Variants in KTN1 observed in about 807,000 individuals in gnomAD.
KTN1 encodes the protein kinectin 1, also known as kinectin.
A neutral mutation model predicts 222.5 loss-of-function variants in KTN1; 130 were observed. The observed-to-expected ratio is 0.58, with a 90% CI of 0.51 to 0.68. The LOEUF is 0.68. Ranked by LOEUF, KTN1 falls within the 30% of genes least tolerant of loss-of-function variation. The pLI is 0.00. For synonymous variants in KTN1, 512 were observed against 496.3 expected (o/e 1.03, Z -0.42); for missense variants, 1,508 against 1,500.4 (o/e 1.01, Z -0.08).
At chr14:55,652,239 G>C (rs1043186635) in intron 25 of KTN1, among the ~76,000 whole-genome samples, 3 of 152,070 alleles carry the variant, frequency 2.0e-5, no homozygotes, top group Non-Finnish European at 1.5e-5. Context: ...ATTGTAGTAA[G>C]TTTTCCAAAT....
In KTN1 at chr14:55,623,850, G is replaced by A. The variant is rs1441615519; in HGVS notation, c.964-4062G>A. Among the ~76,000 whole-genome samples, 4 of 152,210 alleles carry A rather than the reference G, an allele frequency of 2.6e-5. No homozygotes were observed. The South Asian group carries it at 6.2e-4, about 24-fold the overall frequency. ...GAGTTAATGCTTTTTAAGATTAAAA[G>A]TAATTGCTTTAAGTGTCTCTCTTCT... On this transcript the variant is annotated intron_variant, in intron 5 of 43. Transcript: ENST00000395314.
At chr14:55,607,432 A>G (rs990289878) in intron 1 of KTN1, 3 of 150,632 alleles carry the variant, frequency 2.0e-5, no homozygotes, top group African/African-American at 7.3e-5. Context: ...CAGGGAATCC[A>G]GAAACCTGGA....
intron 4 of KTN1, among the ~76,000 whole-genome samples, chr14:55,618,798 C>G (rs1183248116): frequency 6.6e-6 from 1 of 152,102 alleles, no homozygotes; most frequent in Non-Finnish European, 1.5e-5. Flanking sequence ...TAATATCTCT[C>G]AGGATTATTT....
chr14:55,584,698 C>G (rs1181521492), intron 1 of KTN1, among the ~76,000 whole-genome samples: 10 of 151,684 alleles, frequency 6.6e-5, no homozygotes, highest in African/African-American at 2.4e-4. Flanking sequence ...TGTTTATTGT[C>G]TCTTCCACAT....
intron 1 of KTN1, among the ~76,000 whole-genome samples, chr14:55,586,454 C>T (rs1322439754): frequency 1.1e-4 from 16 of 152,196 alleles, no homozygotes; most frequent in African/African-American, 3.9e-4. Context: ...TCTCAACAAC[C>T]TTATGAGGTA....
intron 28 of KTN1, 146 bp downstream of exon 28, chr14:55,653,742 G>A (rs376855978): frequency 3.5e-6 from 2 of 563,662 alleles, no homozygotes; most frequent in Non-Finnish European, 3.1e-6. Context: ...AATAGGCTAA[G>A]TCTCTGTTGG....
intron 1 of KTN1, among the ~76,000 whole-genome samples, chr14:55,610,903 G>T (rs1040652004): frequency 2.0e-5 from 3 of 152,268 alleles, no homozygotes; most frequent in Admixed American, 2.0e-4. Context: ...CCCCCTTCCC[G>T]CCCCGGGCGT....
rs190082005 is a variant in KTN1 at position 55,629,354 on chromosome 14, C to T, written c.1081-603C>T. On this transcript the variant is annotated intron_variant, in intron 6 of 43. Coordinates refer to ENST00000395314, the MANE Select transcript of KTN1 (RefSeq NM_001079521.2). Reference sequence around the variant, plus strand: ...AATGGTGTGAATCTGGGAGGCGGAGCTTGTAGTGAGCCGAGATCACGCCAC... The same window carrying T: ...AATGGTGTGAATCTGGGAGGCGGAGTTTGTAGTGAGCCGAGATCACGCCAC... Among the ~76,000 whole-genome samples the T allele has an allele frequency of 3.6e-3, 499 of 138,728 alleles. 5 individuals carry two copies. The highest frequency in any genetic ancestry group is 0.013 in the African/African-American group (481 of 36,634). 91.0% of individuals were successfully genotyped at this position (138,728 alleles called of 152,430 possible).
chr14:55,599,504 G>T (rs1489140271), intron 1 of KTN1, among the ~76,000 whole-genome samples: 1 of 150,844 alleles, frequency 6.6e-6, no homozygotes, highest in Non-Finnish European at 1.5e-5. Flanking sequence ...TCGTTCTGTT[G>T]CCCAGGGCGG....
In KTN1 at chr14:55,616,542, T is replaced by A. The variant is rs1230036271; in HGVS notation, c.549T>A (p.Thr183=). ...GSDDQDKKVE[T]LMVPSKRQEA... ...ATGACCAGGATAAAAAGGTGGAAAC[T>A]CTCATGGTACCATCAAAAAGGCAAG... The change falls in exon 3 of 44, where the codon ACT becomes ACA. Residue 183 remains threonine (T), a synonymous_variant. Transcript: ENST00000395314. The A allele has an allele frequency of 6.3e-7, 1 of 1,590,258 alleles. No individual in the cohort carries two copies.
In KTN1 at chr14:55,667,291, C is replaced by G. The variant is rs777839408; in HGVS notation, c.3228C>G (p.Leu1076=). 9 of 1,606,604 alleles carry G rather than the reference C, an allele frequency of 5.6e-6. No individual in the cohort carries two copies. The highest frequency in any genetic ancestry group is 3.4e-5 in the Admixed American group (2 of 58,744). Residue 1076 remains leucine, a synonymous_variant, in exon 34 of 44, where the codon CTC becomes CTG. Transcript: ENST00000395314. ...EAVELEAKEV[L]KKLFPKVSVP... ...TTGAGTTGGAGGCTAAAGAAGTTCT[C>G]AAAAAATTATTTCCAAAGGTGTCTG... is the stretch of plus-strand genomic sequence containing the variant.
intron 6 of KTN1, among the ~76,000 whole-genome samples, chr14:55,629,021 C>T (rs559525116): frequency 3.3e-5 from 5 of 152,268 alleles, no homozygotes; most frequent in African/African-American, 1.2e-4. Context: ...ATGATACCTG[C>T]AGCTAACTTT....
chr14:55,584,074 C>T (rs1055746233), intron 1 of KTN1, among the ~76,000 whole-genome samples: 2 of 152,190 alleles, frequency 1.3e-5, no homozygotes, highest in African/African-American at 2.4e-5. Context: ...TCCCTGCAGT[C>T]TTTCCAACAC....
At chr14:55,603,955 A>G (rs2036358078) in intron 1 of KTN1, among the ~76,000 whole-genome samples, 1 of 152,204 alleles carries the variant, frequency 6.6e-6, no homozygotes, top group South Asian at 2.1e-4. Flanking sequence ...TTTATAAAGT[A>G]TCAAAAATTT....
At chr14:55,678,498 T>TC in intron 42 of KTN1, 54 bp downstream of exon 42, 1 of 1,102,380 alleles carries the variant, frequency 9.1e-7, no homozygotes, top group Non-Finnish European at 1.4e-6. Context: ...GTGACCTGTG[T>TC]AAAGAACAAA....
chr14:55,662,677 G>A (rs768596088), intron 32 of KTN1, among the ~76,000 whole-genome samples: 61 of 152,276 alleles, frequency 4.0e-4, no homozygotes, highest in Admixed American at 7.8e-4. Context: ...AGTATTGCTA[G>A]TAAATGGATG....
At chr14:55,673,472 TG>T in intron 40 of KTN1, 1 of 362,692 alleles carries the variant, frequency 2.8e-6, no homozygotes, top group Non-Finnish European at 4.9e-6. Flanking sequence ...AACAATGGCA[TG>T]TTTGGCTTCC....
At chr14:55,597,063 GAAA>G (rs150001039) in intron 1 of KTN1, among the ~76,000 whole-genome samples, 3 of 147,458 alleles carry the variant, frequency 2.0e-5, no homozygotes, top group Non-Finnish European at 4.5e-5. Flanking sequence ...GGATTATTTT[GAAA>G]AAAAAAATCC....
chr14:55,650,473 TATC>T (rs1424947379), intron 23 of KTN1, 55 bp downstream of exon 23: 14 of 1,511,420 alleles, frequency 9.3e-6, no homozygotes, highest in Admixed American at 1.8e-5. Context: ...CTTTAGTTAA[TATC>T]ATTTAATTTC....
Sources: gnomAD v4.1 joint callset for allele counts (sites outside exome capture counted in the v4.1 genomes callset) on GRCh38, gnomAD v4.1.1 for gene constraint, MANE v1.5 for transcripts, NCBI Gene and HGNC (gene_info 2026-07-23, HGNC 2026-07-21) for gene names.